The following SMIM14 variants were observed in gnomAD, a reference collection of about 807,000 sequenced individuals.
SMIM14 encodes the protein chromosome 4 open reading frame 34.
In SMIM14, 5 loss-of-function variants were observed where a neutral mutation model predicts 12.6. That is an observed-to-expected ratio of 0.40 (90% confidence interval 0.21 to 0.83). SMIM14 has a LOEUF of 0.83. Ranked by LOEUF, SMIM14 falls within the 40% of genes least tolerant of loss-of-function variation. The probability of loss-of-function intolerance (pLI) is 0.37; values close to 1 mark genes in which losing one functional copy is unlikely to be tolerated. For missense variants in SMIM14, 86 were observed against 119.1 expected (o/e 0.72, Z 1.29); for synonymous variants, 30 against 40.1 (o/e 0.75, Z 0.95).
chr4:39,552,110 T>C lies in SMIM14; in HGVS notation c.*16A>G, dbSNP rs1711749319. 2 of 1,590,186 alleles carry C rather than the reference T, an allele frequency of 1.3e-6. No homozygotes were observed. Among genetic ancestry groups the C allele is most frequent in the South Asian group, 1.2e-5 (1 of 85,714 alleles). On this transcript the variant is annotated 3_prime_UTR_variant, in exon 5 of 5. Coordinates refer to ENST00000295958, the MANE Select transcript of SMIM14 (RefSeq NM_174921.3). ...CGTGCAAGGTGTTAACTATTTTCAC[T>C]TCCCATATCACAAAGTTAGTCCACA... is the stretch of plus-strand genomic sequence containing the variant.
intron 1 of SMIM14, among the ~76,000 whole-genome samples, chr4:39,615,223 C>T (rs938070841): frequency 1.3e-5 from 2 of 152,090 alleles, no homozygotes; most frequent in African/African-American, 4.8e-5. Context: ...GCGTGAGCCA[C>T]GACCTCCGGC....
chr4:39,632,247 T>C (rs535020362), intron 1 of SMIM14, among the ~76,000 whole-genome samples: 3 of 152,142 alleles, frequency 2.0e-5, no homozygotes, highest in Admixed American at 6.5e-5. Flanking sequence ...TCCCAGCACT[T>C]TGGGAGGCCA....
intron 3 of SMIM14, among the ~76,000 whole-genome samples, chr4:39,560,937 T>C (rs1712279234): frequency 6.6e-6 from 1 of 152,178 alleles, no homozygotes; most frequent in Non-Finnish European, 1.5e-5. Context: ...CAAGCTACCA[T>C]AACCTCTTAT....
intron 1 of SMIM14, among the ~76,000 whole-genome samples, chr4:39,618,894 T>TCTCA (rs1277963210): frequency 2.0e-5 from 3 of 151,908 alleles, no homozygotes; most frequent in Non-Finnish European, 4.4e-5. Flanking sequence ...GTGAATAGAC[T>TCTCA]CAGTAGGAAG....
intron 2 of SMIM14, among the ~76,000 whole-genome samples, chr4:39,601,509 T>G (rs979051774): frequency 6.6e-6 from 1 of 152,230 alleles, no homozygotes; most frequent in African/African-American, 2.4e-5. Flanking sequence ...GGATTTAAAT[T>G]CTCGTAGTTA....
rs1311862634 is a variant in SMIM14 at position 39,548,056 on chromosome 4, C to A, written c.*4070G>T. ...AAGTAGCTGGGATTACAGGCATGTG[C>A]CACCACACCAGGCTACTTTTGTATT... On this transcript the variant is annotated 3_prime_UTR_variant, in exon 5 of 5. Transcript: ENST00000295958. 6.6e-6 allele frequency: 1 copy of A among 152,240 alleles called. No homozygotes were observed. The highest frequency in any genetic ancestry group is 1.9e-4 in the East Asian group (1 of 5,182). 9.4% of individuals were successfully genotyped at this position (152,240 alleles called of 1,614,324 possible). A position where few individuals can be genotyped will look rare whatever the true frequency, so the allele number is the denominator to read the frequency against.
chr4:39,584,665 A>C (rs1472681778), intron 2 of SMIM14, among the ~76,000 whole-genome samples: 2 of 149,214 alleles, frequency 1.3e-5, no homozygotes, highest in Admixed American at 1.3e-4. Flanking sequence ...GTGTGGTGGC[A>C]CACATCTATA....
intron 1 of SMIM14, among the ~76,000 whole-genome samples, chr4:39,618,898 TAGGAAG>T (rs1206869307): frequency 2.0e-5 from 3 of 151,828 alleles, no homozygotes; most frequent in Non-Finnish European, 4.4e-5. Flanking sequence ...ATAGACTCAG[TAGGAAG>T]CAGCATTATG....
At chr4:39,625,572 T>C (rs1715666228) in intron 1 of SMIM14, among the ~76,000 whole-genome samples, 1 of 152,066 alleles carries the variant, frequency 6.6e-6, no homozygotes, top group South Asian at 2.1e-4. Flanking sequence ...TCTCGAGTAA[T>C]TGGCACTACA....
At chr4:39,575,331 C>A (rs1315462826) in intron 2 of SMIM14, among the ~76,000 whole-genome samples, 2 of 151,754 alleles carry the variant, frequency 1.3e-5, no homozygotes, top group Non-Finnish European at 2.9e-5. Flanking sequence ...GCATGTGCCA[C>A]CAAGCCCAGT....
chr4:39,604,878 T>C (rs998841843), intron 2 of SMIM14, among the ~76,000 whole-genome samples, 193 bp downstream of exon 2: 1 of 152,186 alleles, frequency 6.6e-6, no homozygotes, highest in Non-Finnish European at 1.5e-5. Context: ...CCCAAAGTGC[T>C]GGGATTACAG....
rs568518521 is a variant in SMIM14 at position 39,586,144 on chromosome 4, T to C, written c.76-13681A>G. Reference sequence around the variant, plus strand: ...TATCAAGTGGTTAGTCTACCATACCTTTAGTGTTCTCTTGTGAACTTTCTT... The same window carrying C: ...TATCAAGTGGTTAGTCTACCATACCCTTAGTGTTCTCTTGTGAACTTTCTT... On this transcript the variant is annotated intron_variant, in intron 2 of 4. Coordinates refer to ENST00000295958, the MANE Select transcript of SMIM14 (RefSeq NM_174921.3). 2.6e-5 allele frequency among the ~76,000 whole-genome samples: 4 copies of C among 152,210 alleles called. No homozygotes were observed. In the East Asian group the frequency reaches 7.7e-4, roughly 29 times the overall value.
At position 39,633,269 on chromosome 4, in the gene SMIM14, G is replaced by T. The variant is rs535303912; in HGVS notation, c.-36+5470C>A. 2.6e-4 allele frequency among the ~76,000 whole-genome samples: 39 copies of T among 152,036 alleles called. No homozygotes were observed. The South Asian group carries it at 7.9e-3, about 31-fold the overall frequency. On this transcript the variant is annotated intron_variant, in intron 1 of 4. Transcript: ENST00000295958. The stretch of plus-strand genomic sequence containing the variant: ...AGATCACCCCACTGCACTCCAGTCT[G>T]GGCAACAAAGTGAGACTCTGTTTCA...
chr4:39,612,252 CTTTT>C (rs1486572916), intron 1 of SMIM14: 1 of 151,990 alleles, frequency 6.6e-6, no homozygotes, highest in Non-Finnish European at 1.5e-5. Flanking sequence ...ACTGTCTTTT[CTTTT>C]TTTGTTTTTT....
At position 39,546,634 on chromosome 4, in the gene SMIM14, CAG is replaced by C. The variant is rs1445660173; in HGVS notation, c.*5490_*5491del. 3.9e-5 allele frequency: 6 copies of C among 152,210 alleles called. No homozygotes were observed. The highest frequency in any genetic ancestry group is 1.3e-4 in the Admixed American group (2 of 15,270). 9.4% of individuals were successfully genotyped at this position (152,210 alleles called of 1,614,324 possible). A position where few individuals can be genotyped will look rare whatever the true frequency, so the allele number is the denominator to read the frequency against. On this transcript the variant is annotated 3_prime_UTR_variant, in exon 5 of 5. Coordinates refer to ENST00000295958, the MANE Select transcript of SMIM14 (RefSeq NM_174921.3). ...TCTGAGAAGAAAACTAGTATTGCAGCAGAGTCATTTAATGAAAACTTAACAGT... is the reference window on the plus strand; with the variant it reads ...TCTGAGAAGAAAACTAGTATTGCAGCAGTCATTTAATGAAAACTTAACAGT...
chr4:39,548,730 G>A lies in SMIM14; in HGVS notation c.*3396C>T, dbSNP rs1012176765. ...GGTCAACAAGAATATTTCATGTATA[G>A]TACACTGTCTAAGGAATGCAGAGAA... On this transcript the variant is annotated 3_prime_UTR_variant, in exon 5 of 5. Transcript: ENST00000295958. 6.6e-6 allele frequency: 1 copy of A among 152,162 alleles called. No homozygotes were observed. The highest frequency in any genetic ancestry group is 2.4e-5 in the African/African-American group (1 of 41,442). The allele number at this position is 152,162 out of a possible 1,614,324, so 9.4% of individuals were successfully genotyped here. A position where few individuals can be genotyped will look rare whatever the true frequency, so the allele number is the denominator to read the frequency against.
At chr4:39,590,798 T>C (rs1714032408) in intron 2 of SMIM14, among the ~76,000 whole-genome samples, 1 of 121,880 alleles carries the variant, frequency 8.2e-6, no homozygotes, top group South Asian at 2.9e-4. Context: ...CAACACTCTG[T>C]CTCAAAAAAA....
chr4:39,552,030 G>C lies in SMIM14; in HGVS notation c.*96C>G, dbSNP rs1454141084. ...ACCATCCCATATTGCAGATACAAAA[G>C]GAAAAACAGTTCTAATGGGGTTAAG... On this transcript the variant is annotated 3_prime_UTR_variant, in exon 5 of 5. Transcript: ENST00000295958. The C allele has an allele frequency of 3.0e-6, 3 of 991,130 alleles. No homozygotes were observed. The highest frequency in any genetic ancestry group is 4.4e-6 in the Non-Finnish European group (3 of 683,010). The allele number at this position is 991,130 out of a possible 1,614,324, so 61.4% of individuals were successfully genotyped here.
chr4:39,581,873 CTTT>C (rs200459196), intron 2 of SMIM14, among the ~76,000 whole-genome samples: 6 of 135,394 alleles, frequency 4.4e-5, no homozygotes, highest in Non-Finnish European at 4.8e-5. Flanking sequence ...AATGTCTTTT[CTTT>C]TTTTTTTTTT....
Sources: allele counts gnomAD v4.1 joint callset (sites outside exome capture counted in the v4.1 genomes callset), GRCh38; gene constraint gnomAD v4.1.1; transcripts MANE v1.5; gene names NCBI Gene and HGNC (gene_info 2026-07-23, HGNC 2026-07-21).